KCNAB1: variants seen among roughly 807,000 people sequenced by gnomAD.
KCNAB1 encodes voltage-gated potassium channel subunit beta-1.
Under a neutral mutation model 64.6 loss-of-function variants are expected in KCNAB1, and 35 were observed. The ratio of observed to expected loss-of-function variants is 0.54; its 90% confidence interval spans 0.41 to 0.72. The LOEUF is 0.72. KCNAB1 is among the 30% of genes least tolerant of loss of function. KCNAB1 has a pLI of 0.00. For synonymous variants in KCNAB1, 177 were observed against 183.8 expected (o/e 0.96, Z 0.30); for missense variants, 401 against 512.9 (o/e 0.78, Z 2.11).
chr3:156,466,072 T>G lies in KCNAB1; in HGVS notation c.571+386T>G, dbSNP rs796700179. Among the ~76,000 whole-genome samples the G allele has an allele frequency of 6.6e-5, 10 of 152,260 alleles. No individual in the cohort carries two copies. The South Asian group carries it at 2.1e-3, about 32-fold the overall frequency. ...TTGTACACCAAACACCCTAATCTAA[T>G]GTGAAAACATTTTTATCCCCCCTAA... On this transcript the variant is annotated intron_variant, in intron 7 of 13. Coordinates refer to ENST00000490337, the MANE Select transcript of KCNAB1 (RefSeq NM_172160.3).
chr3:156,165,083 C>T (rs1716293733), intron 1 of KCNAB1, among the ~76,000 whole-genome samples: 2 of 151,690 alleles, frequency 1.3e-5, no homozygotes, highest in Non-Finnish European at 2.9e-5. Flanking sequence ...TCGAGACCAT[C>T]CCGGCTAAAA....
chr3:156,238,471 T>C (rs996474498), intron 1 of KCNAB1, among the ~76,000 whole-genome samples: 1 of 144,208 alleles, frequency 6.9e-6, no homozygotes, highest in Non-Finnish European at 1.5e-5. Flanking sequence ...CCCAGAGAGA[T>C]CTTAAAGGCA....
intron 1 of KCNAB1, among the ~76,000 whole-genome samples, chr3:156,293,368 G>T (rs1054660978): frequency 1.3e-5 from 2 of 152,174 alleles, no homozygotes; most frequent in African/African-American, 2.4e-5. Context: ...TCTTGTCTTT[G>T]TTAGGAACCA....
Position 156,372,031 on chromosome 3 carries a change from A to G in KCNAB1, c.276-49585A>G, listed in dbSNP as rs148704530. ...GTCATCAGCCGTCGCCCGAGACCAC[A>G]TGTGCAGTTACAGATTAATTACTTG... is the stretch of plus-strand genomic sequence containing the variant. On this transcript the variant is annotated intron_variant, in intron 1 of 13. Coordinates refer to ENST00000490337, the MANE Select transcript of KCNAB1 (RefSeq NM_172160.3). Among the ~76,000 whole-genome samples, 227 of 152,302 alleles carry G rather than the reference A, an allele frequency of 1.5e-3. 3 individuals carry two copies. The highest frequency in any genetic ancestry group is 7.5e-3 in the East Asian group (39 of 5,194).
intron 1 of KCNAB1, among the ~76,000 whole-genome samples, chr3:156,309,006 G>A (rs755263804): frequency 1.3e-5 from 2 of 151,944 alleles, no homozygotes; most frequent in African/African-American, 4.8e-5. Flanking sequence ...TTAATTGGGG[G>A]TCCATTACTT....
At chr3:156,500,943 T>C (rs1397312555) in intron 8 of KCNAB1, among the ~76,000 whole-genome samples, 1 of 152,186 alleles carries the variant, frequency 6.6e-6, no homozygotes, top group East Asian at 1.9e-4. Context: ...TACATATCAA[T>C]ATACTAGCAT....
At chr3:156,159,038 AGTAGTTT>A (rs1715920315) in intron 1 of KCNAB1, among the ~76,000 whole-genome samples, 4 of 151,896 alleles carry the variant, frequency 2.6e-5, no homozygotes, top group African/African-American at 9.7e-5. Flanking sequence ...AGAAGAGGGG[AGTAGTTT>A]ATGGCGAGGC....
chr3:156,292,279 T>C, intron 1 of KCNAB1: 1 of 845,338 alleles, frequency 1.2e-6, no homozygotes, highest in Non-Finnish European at 1.8e-6. Context: ...TTTAGGGGGA[T>C]GAATAAACCC....
upstream of KCNAB1, among the ~76,000 whole-genome samples, chr3:156,119,918 C>A (rs1286321679): frequency 6.6e-6 from 1 of 152,162 alleles, no homozygotes; most frequent in African/African-American, 2.4e-5. Context: ...CCTTCACCTT[C>A]CCAATTATCA....
intron 2 of KCNAB1, among the ~76,000 whole-genome samples, chr3:156,430,292 T>C (rs976291835): frequency 6.6e-6 from 1 of 152,142 alleles, no homozygotes; most frequent in Non-Finnish European, 1.5e-5. Context: ...GAAGGGTCTG[T>C]ACACAGAGGG....
At chr3:156,524,529 T>C (rs1018021979) in intron 12 of KCNAB1, among the ~76,000 whole-genome samples, 5 of 151,898 alleles carry the variant, frequency 3.3e-5, no homozygotes, top group African/African-American at 7.3e-5. Context: ...GGGCGGATCA[T>C]GAGGTCAGGA....
chr3:156,395,690 AG>A (rs1713416219), intron 1 of KCNAB1, among the ~76,000 whole-genome samples: 1 of 151,452 alleles, frequency 6.6e-6, no homozygotes, highest in Non-Finnish European at 1.5e-5. Context: ...TTTCCTCCTA[AG>A]GGAACAATGG....
At position 156,421,679 on chromosome 3, in the gene KCNAB1, CCTGGGGGTGGG is replaced by C. The variant is rs1453191525; in HGVS notation, c.319+25_319+35del. 3 of 1,612,098 alleles carry C rather than the reference CCTGGGGGTGGG, an allele frequency of 1.9e-6. No homozygotes were observed. The East Asian group carries it at 6.7e-5, about 36-fold the overall frequency. ...GTCTTGGTAAGTACTGAGGGTGTGA[CCTGGGGGTGGG>C]CTGGAAGGTGGGAGACTGGGGAGGG... On this transcript the variant is annotated intron_variant, in intron 2 of 13. Coordinates refer to ENST00000490337, the MANE Select transcript of KCNAB1 (RefSeq NM_172160.3).
intron 1 of KCNAB1, among the ~76,000 whole-genome samples, chr3:156,241,648 G>A (rs1717170166): frequency 6.6e-6 from 1 of 152,058 alleles, no homozygotes; most frequent in African/African-American, 2.4e-5. Context: ...GTGCTTCTGT[G>A]GTGCTGCTCT....
intron 1 of KCNAB1, among the ~76,000 whole-genome samples, chr3:156,175,437 A>G (rs990580926): frequency 6.6e-6 from 1 of 152,156 alleles, no homozygotes; most frequent in Admixed American, 6.5e-5. Context: ...TGGCTAACAC[A>G]GTGAAACCCT....
intron 1 of KCNAB1, among the ~76,000 whole-genome samples, chr3:156,346,434 A>C (rs1724485929): frequency 6.6e-6 from 1 of 152,224 alleles, no homozygotes; most frequent in South Asian, 2.1e-4. Flanking sequence ...ACAAAGAAAT[A>C]AATTAGCAGA....
intron 2 of KCNAB1, among the ~76,000 whole-genome samples, chr3:156,434,675 A>G (rs1716467514): frequency 6.7e-6 from 1 of 149,252 alleles, no homozygotes; most frequent in Non-Finnish European, 1.5e-5. Context: ...CAAACAGACA[A>G]ATCAAAGAAG....
intron 1 of KCNAB1, among the ~76,000 whole-genome samples, chr3:156,188,933 G>A (rs936389235): frequency 3.3e-5 from 5 of 152,148 alleles, no homozygotes; most frequent in Non-Finnish European, 5.9e-5. Context: ...AGGGTGAGTC[G>A]TGGTGGGCCC....
chr3:156,475,587 G>A (rs1438498103), intron 8 of KCNAB1, among the ~76,000 whole-genome samples: 1 of 152,090 alleles, frequency 6.6e-6, no homozygotes, highest in African/African-American at 2.4e-5. Context: ...GAGAAAAAGA[G>A]CAAAAATGAA....
Sources: allele counts gnomAD v4.1 joint callset (sites outside exome capture counted in the v4.1 genomes callset), GRCh38; gene constraint gnomAD v4.1.1; transcripts MANE v1.5; gene names NCBI Gene and HGNC (gene_info 2026-07-23, HGNC 2026-07-21).